RFC3: variants seen among roughly 807,000 people sequenced by gnomAD.
The protein encoded by RFC3 is replication factor C subunit 3, also known as A1 38 kDa subunit.
RFC3 carries 41 observed loss-of-function variants against 45.1 expected under a neutral mutation model. That is an observed-to-expected ratio of 0.91 (90% CI 0.71 to 1.18). RFC3 has a LOEUF of 1.18. Among genes scored for constraint, RFC3 ranks in the 50% most tolerant of loss-of-function variants. The probability of loss-of-function intolerance (pLI) is 0.00; values close to 1 mark genes in which losing one functional copy is unlikely to be tolerated. For missense variants in RFC3, 423 were observed against 428.1 expected (o/e 0.99, Z 0.10); for synonymous variants, 149 against 144.0 (o/e 1.03, Z -0.25).
At chr13:33,901,058 G>C (rs1327818716) in intron 8 of RFC3, among the ~76,000 whole-genome samples, 1 of 151,966 alleles carries the variant, frequency 6.6e-6, no homozygotes, top group Non-Finnish European at 1.5e-5. Flanking sequence ...TGGTGAGGAT[G>C]TGGAGAGAGG....
intron 4 of RFC3, among the ~76,000 whole-genome samples, chr13:33,826,819 C>A (rs777841660): frequency 7.2e-5 from 11 of 151,790 alleles, no homozygotes; most frequent in Non-Finnish European, 1.5e-4. Flanking sequence ...GCTCTAAATA[C>A]TTTTTCTTCT....
intron 8 of RFC3, chr13:33,847,250 G>A (rs2082244487): frequency 6.6e-6 from 1 of 152,256 alleles, no homozygotes; most frequent in Non-Finnish European, 1.5e-5. Flanking sequence ...GGATGAGAGA[G>A]GGGTGTGTAG....
At chr13:33,921,051 G>A (rs2082765643) in intron 8 of RFC3, among the ~76,000 whole-genome samples, 1 of 152,088 alleles carries the variant, frequency 6.6e-6, no homozygotes. Context: ...AGAGATGACT[G>A]CATTCTCTGA....
chr13:33,934,096 C>T (rs915896042), intron 8 of RFC3, among the ~76,000 whole-genome samples: 1 of 151,708 alleles, frequency 6.6e-6, no homozygotes, highest in South Asian at 2.1e-4. Flanking sequence ...AGGAGGATGG[C>T]GTGAGCTCAG....
chr13:33,958,434 T>C (rs535470989), intron 8 of RFC3, among the ~76,000 whole-genome samples: 2 of 152,202 alleles, frequency 1.3e-5, no homozygotes, highest in Non-Finnish European at 2.9e-5. Context: ...TATAATCAAG[T>C]GAAGCTTTTC....
intron 8 of RFC3, among the ~76,000 whole-genome samples, chr13:33,891,918 A>G (rs527953849): frequency 6.6e-5 from 10 of 152,302 alleles, no homozygotes; most frequent in African/African-American, 2.2e-4. Flanking sequence ...AAAATTAACG[A>G]GACATCAGAA....
chr13:33,879,270 C>G (rs2082467145), intron 8 of RFC3, among the ~76,000 whole-genome samples: 1 of 152,144 alleles, frequency 6.6e-6, no homozygotes, highest in African/African-American at 2.4e-5. Context: ...TGAAATTACT[C>G]AGTAATATAA....
chr13:33,899,234 A>G (rs1593676825), intron 8 of RFC3, among the ~76,000 whole-genome samples: 2 of 148,902 alleles, frequency 1.3e-5, no homozygotes. Flanking sequence ...AAAAAAGAAC[A>G]AAATTACAGG....
At position 33,863,823 on chromosome 13, in the gene RFC3, G is replaced by A. The variant is rs544852713; in HGVS notation, c.879+28606G>A. On this transcript the variant is annotated intron_variant, in intron 8 of 8. Coordinates refer to the RFC3 transcript ENST00000434425. ...CTTGCCAATTTTCAGAGTTCTACTGGGCATGGGGCACAGATTTCCTCTACT... is the reference window on the plus strand; with the variant it reads ...CTTGCCAATTTTCAGAGTTCTACTGAGCATGGGGCACAGATTTCCTCTACT... Among the ~76,000 whole-genome samples, 3 of 152,212 alleles carry A rather than the reference G, an allele frequency of 2.0e-5. No individual in the cohort carries two copies. The South Asian group carries it at 6.2e-4, about 32-fold the overall frequency.
chr13:33,831,111 C>T, intron 6 of RFC3, 145 bp from the exon 7 acceptor site: 1 of 629,868 alleles, frequency 1.6e-6, no homozygotes, highest in Non-Finnish European at 2.8e-6. Flanking sequence ...GGAGGTGGAA[C>T]TCAGGCCATA....
rs564153035 is a variant in RFC3, at chr13:33,827,504, A to G, written c.391+1618A>G. The stretch of plus-strand genomic sequence containing the variant: ...AGAGAAATGTTGAACATCGGTTATT[A>G]TAAGAAATTTAGTTGAAATTTAAAA... On this transcript the variant is annotated intron_variant, in intron 4 of 8. Transcript: ENST00000380071. Among the ~76,000 whole-genome samples the G allele has an allele frequency of 9.2e-5, 14 of 152,344 alleles. No homozygotes were observed. The South Asian group carries it at 2.5e-3, about 27-fold the overall frequency.
At chr13:33,954,619 G>A (rs2083010550) in intron 8 of RFC3, among the ~76,000 whole-genome samples, 2 of 152,186 alleles carry the variant, frequency 1.3e-5, no homozygotes, top group Admixed American at 6.5e-5. Flanking sequence ...TCCGGAGGCT[G>A]GAAGTCCAAG....
intron 8 of RFC3, among the ~76,000 whole-genome samples, chr13:33,852,448 T>A (rs1449730253): frequency 6.6e-6 from 1 of 152,148 alleles, no homozygotes; most frequent in Non-Finnish European, 1.5e-5. Flanking sequence ...ACAGGTTATA[T>A]TTTGGCTTCC....
downstream of RFC3, among the ~76,000 whole-genome samples, chr13:33,838,360 C>A (rs1175183661): frequency 6.6e-6 from 1 of 151,974 alleles, no homozygotes; most frequent in South Asian, 2.1e-4. Flanking sequence ...TTATAGCGTA[C>A]GTCTGCTAAC....
In RFC3 at chr13:33,909,433, C is replaced by G. The variant is rs182021914; in HGVS notation, c.880-56654C>G. Among the ~76,000 whole-genome samples the G allele has an allele frequency of 2.8e-3, 432 of 152,206 alleles. 1 individual carries two copies. The highest frequency in any genetic ancestry group is 9.9e-3 in the African/African-American group (411 of 41,554). ...AGGGGAGGCTTGTTTTCTCCTTCAT[C>G]TGCTTCTGCTCTTTATTCTGCTCCT... On this transcript the variant is annotated intron_variant, in intron 8 of 8. Transcript: ENST00000434425.
intron 8 of RFC3, among the ~76,000 whole-genome samples, chr13:33,910,903 A>G (rs968461037): frequency 2.0e-5 from 3 of 151,930 alleles, no homozygotes; most frequent in African/African-American, 7.3e-5. Context: ...GGGAGGTGCC[A>G]CACACTTTTA....
intron 8 of RFC3, among the ~76,000 whole-genome samples, chr13:33,932,132 A>G (rs2082856405): frequency 1.3e-5 from 2 of 152,148 alleles, no homozygotes; most frequent in African/African-American, 4.8e-5. Context: ...GGACTCTGCC[A>G]GCATGAAATT....
rs1280362830 is a variant in RFC3, at chr13:33,836,774, A to G, written c.*479A>G. ...ATGTAAGATTTCATTCTGAAACATA[A>G]TTATTGGTATGGACAAAATTGCAGA... is the stretch of plus-strand genomic sequence containing the variant. On this transcript the variant is annotated 3_prime_UTR_variant, in exon 9 of 9. Transcript: ENST00000380071. 2.0e-6 allele frequency: 2 copies of G among 985,872 alleles called. No homozygotes were observed. The highest frequency in any genetic ancestry group is 2.3e-4 in the East Asian group (2 of 8,836). 61.1% of individuals were successfully genotyped at this position (985,872 alleles called of 1,614,324 possible).
intron 8 of RFC3, among the ~76,000 whole-genome samples, chr13:33,878,760 C>T (rs1243977014): frequency 3.3e-5 from 5 of 152,128 alleles, no homozygotes; most frequent in African/African-American, 1.2e-4. Flanking sequence ...CTATAATTTC[C>T]ATACCAGCTT....
Sources: allele counts gnomAD v4.1 joint callset (sites outside exome capture counted in the v4.1 genomes callset), GRCh38; gene constraint gnomAD v4.1.1; transcripts MANE v1.5; gene names NCBI Gene and HGNC (gene_info 2026-07-23, HGNC 2026-07-21).